The following NECAB2 variants were observed in gnomAD, a reference collection of about 807,000 sequenced individuals.
NECAB2 encodes N-terminal EF-hand calcium binding protein 2.
Under a neutral mutation model 51.9 loss-of-function variants are expected in NECAB2, and 68 were observed. The ratio of observed to expected loss-of-function variants is 1.31; its 90% CI spans 1.08 to 1.60. The LOEUF (loss-of-function observed/expected upper bound fraction) is 1.60, where lower values mean the gene tolerates loss of function less well. NECAB2 is among the 40% of genes most tolerant of loss of function. NECAB2 has a pLI of 0.00. For synonymous variants in NECAB2, 329 were observed against 203.5 expected (o/e 1.62, Z -5.25); for missense variants, 854 against 490.3 (o/e 1.74, Z -7.00).
chr16:83,965,830 G>A (rs375432716), upstream of NECAB2: 104 of 1,612,910 alleles, frequency 6.4e-5, no homozygotes, highest in East Asian at 3.1e-4. Context: ...CTGACCAGCC[G>A]CTGAGCGCCA....
chr16:83,997,456 G>T (rs971281323), intron 9 of NECAB2, among the ~76,000 whole-genome samples, 187 bp downstream of exon 9: 1 of 143,740 alleles, frequency 7.0e-6, no homozygotes, highest in South Asian at 2.2e-4. Flanking sequence ...AACTCCGGGG[G>T]TATTTCTTGA....
intron 8 of NECAB2, among the ~76,000 whole-genome samples, chr16:83,996,878 C>T (rs548802670): frequency 7.2e-5 from 11 of 152,222 alleles, no homozygotes; most frequent in African/African-American, 2.4e-4. Flanking sequence ...CCCATTAGAT[C>T]CCTGAGGTGC....
chr16:83,991,532 A>G (rs919129440), intron 6 of NECAB2, among the ~76,000 whole-genome samples: 2 of 148,352 alleles, frequency 1.3e-5, no homozygotes, highest in African/African-American at 5.0e-5. Flanking sequence ...ACACCCAGCT[A>G]ATTTTTGTAT....
Position 83,998,200 on chromosome 16 carries a change from G to GGCAGCACCT in NECAB2, c.851_859dup. On this transcript the variant is annotated splice_region_variant and splice_polypyrimidine_tract_variant and intron_variant, in intron 9 of 12. Transcript: ENST00000305202. ...CCCCACACTGACTCCTGCTGTGCCC[G>GGCAGCACCT]GCAGCACCTGCAGCTGGTCCGGCAG... 2.5e-6 allele frequency: 4 copies of GGCAGCACCT among 1,607,270 alleles called. No individual in the cohort carries two copies. In the South Asian group the frequency reaches 4.4e-5, roughly 18 times the overall value.
intron 9 of NECAB2, among the ~76,000 whole-genome samples, chr16:83,997,873 G>C (rs1003449271): frequency 6.6e-6 from 1 of 152,148 alleles, no homozygotes; most frequent in East Asian, 1.9e-4. Flanking sequence ...AAAATGCTGA[G>C]TCCATCAACT....
At chr16:83,981,271 C>A (rs1016833729) in intron 5 of NECAB2, 144 bp downstream of exon 5, 3 of 682,122 alleles carry the variant, frequency 4.4e-6, no homozygotes, top group African/African-American at 3.6e-5. Flanking sequence ...CTCTTTGAAG[C>A]AGCTGAGATG....
intron 5 of NECAB2, among the ~76,000 whole-genome samples, chr16:83,988,791 G>A (rs1344674994): frequency 6.6e-6 from 1 of 152,004 alleles, no homozygotes; most frequent in Non-Finnish European, 1.5e-5. Context: ...CTTTCCCTGT[G>A]GAGTCTGTGG....
chr16:83,999,132 G>T (rs1428969762), intron 10 of NECAB2, among the ~76,000 whole-genome samples: 2 of 152,172 alleles, frequency 1.3e-5, no homozygotes, highest in Non-Finnish European at 2.9e-5. Context: ...GGTCTTCTTG[G>T]GCCCCCTGTG....
chr16:84,001,149 C>A (rs983638677), intron 11 of NECAB2, among the ~76,000 whole-genome samples: 4 of 152,094 alleles, frequency 2.6e-5, no homozygotes, highest in African/African-American at 4.8e-5. Context: ...TGACTCAGTC[C>A]CCATGTGATC....
chr16:83,968,923 AC>A, intron 1 of NECAB2, 74 bp downstream of exon 1: 2 of 955,488 alleles, frequency 2.1e-6, no homozygotes, highest in Non-Finnish European at 2.5e-6. Flanking sequence ...CCTCGGGCGG[AC>A]CCCGACGCCG....
chr16:83,972,436 A>G (rs1567663017), intron 2 of NECAB2, among the ~76,000 whole-genome samples: 1 of 152,214 alleles, frequency 6.6e-6, no homozygotes, highest in African/African-American at 2.4e-5. Flanking sequence ...GCCAAGAACA[A>G]TGACTGGCCG....
intron 11 of NECAB2, among the ~76,000 whole-genome samples, chr16:84,001,034 G>A (rs2084821704): frequency 1.3e-5 from 2 of 152,100 alleles, no homozygotes; most frequent in Non-Finnish European, 2.9e-5. Context: ...TTTCCCCAGG[G>A]TTGCTTCTGT....
chr16:83,996,498 G>A (rs758210439), intron 8 of NECAB2, among the ~76,000 whole-genome samples: 16 of 152,290 alleles, frequency 1.1e-4, no homozygotes, highest in Middle Eastern at 3.4e-3. Flanking sequence ...TGTGACTCCC[G>A]TAGATGGTCT....
At chr16:83,992,384 G>A (rs4782870) in intron 6 of NECAB2, among the ~76,000 whole-genome samples, 8 of 143,408 alleles carry the variant, frequency 5.6e-5, no homozygotes, top group South Asian at 2.2e-4. Flanking sequence ...CCGTCCCCCC[G>A]CCCACCTCCA....
At chr16:83,992,285 G>A (rs184341865) in intron 6 of NECAB2, among the ~76,000 whole-genome samples, 5 of 152,064 alleles carry the variant, frequency 3.3e-5, no homozygotes, top group Admixed American at 2.6e-4. Context: ...CCTAGGTGGT[G>A]GCTGCTGTGT....
chr16:83,984,491 G>A (rs2084527575), intron 5 of NECAB2, among the ~76,000 whole-genome samples: 1 of 151,740 alleles, frequency 6.6e-6, no homozygotes, highest in Non-Finnish European at 1.5e-5. Context: ...GGGAGGCCGA[G>A]GCGGGAGGAT....
chr16:83,977,298 G>A (rs2084423429), intron 2 of NECAB2, among the ~76,000 whole-genome samples: 1 of 152,096 alleles, frequency 6.6e-6, no homozygotes, highest in Admixed American at 6.5e-5. Flanking sequence ...ACAGATCCTT[G>A]AGGAGGGGGG....
upstream of NECAB2, among the ~76,000 whole-genome samples, chr16:83,968,237 C>T (rs541228160): frequency 6.6e-6 from 1 of 151,300 alleles, no homozygotes; most frequent in African/African-American, 2.4e-5. Context: ...GACACCCGCG[C>T]TTCGGCCTCT....
chr16:83,999,238 G>A (rs566479181), intron 10 of NECAB2, among the ~76,000 whole-genome samples: 5 of 151,810 alleles, frequency 3.3e-5, no homozygotes, highest in East Asian at 1.9e-4. Flanking sequence ...GCGTGGCCAC[G>A]AGGGGCCATT....
Sources: gnomAD v4.1 joint callset for allele counts (sites outside exome capture counted in the v4.1 genomes callset) on GRCh38, gnomAD v4.1.1 for gene constraint, MANE v1.5 for transcripts, NCBI Gene and HGNC (gene_info 2026-07-23, HGNC 2026-07-21) for gene names.